Variants in TPO observed in about 807,000 individuals in gnomAD.
TPO encodes the protein thyroid microsomal antigen.
A neutral mutation model predicts 96.9 loss-of-function variants in TPO; 78 were observed. The observed-to-expected ratio is 0.81, with a 90% CI of 0.67 to 0.97. TPO has a LOEUF of 0.97. TPO is among the 50% of genes least tolerant of loss of function. The probability of loss-of-function intolerance (pLI) is 0.00; values close to 1 mark genes in which losing one functional copy is unlikely to be tolerated. For missense variants in TPO, 1,252 were observed against 1,274.8 expected (o/e 0.98, Z 0.27); for synonymous variants, 547 against 538.0 (o/e 1.02, Z -0.23).
chr2:1,539,833 CCAAGG>C (rs71987829), intron 15 of TPO, among the ~76,000 whole-genome samples: 2,041 of 139,340 alleles, frequency 0.015, 47 homozygotes, highest in African/African-American at 0.052. Flanking sequence ...TGAATGACCA[CCAAGG>C]CAAGGGAAGG....
intron 14 of TPO, among the ~76,000 whole-genome samples, chr2:1,510,018 G>C (rs1442333766): frequency 6.6e-6 from 1 of 151,942 alleles, no homozygotes; most frequent in Non-Finnish European, 1.5e-5. Context: ...TCCTCTCTCT[G>C]CACAGCATTT....
intron 1 of TPO, among the ~76,000 whole-genome samples, chr2:1,384,854 T>C (rs1661862990): frequency 6.6e-6 from 1 of 152,216 alleles, no homozygotes; most frequent in African/African-American, 2.4e-5. Flanking sequence ...GGGTTTGTCA[T>C]AAATAGCTGT....
At chr2:1,413,602 C>A in intron 1 of TPO, 57 bp downstream of exon 1, 1 of 902,884 alleles carries the variant, frequency 1.1e-6, no homozygotes, top group Non-Finnish European at 1.3e-6. Context: ...ATCATTGGAA[C>A]TTGTAAAGTG....
intron 10 of TPO, among the ~76,000 whole-genome samples, 163 bp from the exon 11 acceptor site, chr2:1,493,639 G>C (rs1672027212): frequency 6.7e-6 from 1 of 149,700 alleles, no homozygotes; most frequent in Admixed American, 6.6e-5. Context: ...CCGGGCGTCG[G>C]AGCTGGAATA....
At chr2:1,392,898 C>G (rs1051510540) in intron 1 of TPO, among the ~76,000 whole-genome samples, 11 of 151,564 alleles carry the variant, frequency 7.3e-5, no homozygotes, top group African/African-American at 2.4e-4. Context: ...CTTCTTTATT[C>G]TTAAACAGAT....
At chr2:1,506,849 ATAG>A (rs1253095999) in intron 14 of TPO, among the ~76,000 whole-genome samples, 36 of 152,216 alleles carry the variant, frequency 2.4e-4, no homozygotes, top group Non-Finnish European at 2.9e-5. Flanking sequence ...GTTCAGTCTG[ATAG>A]TAGTTTCTTT....
At chr2:1,526,857 C>T (rs1475200735) in intron 15 of TPO, among the ~76,000 whole-genome samples, 1 of 144,064 alleles carries the variant, frequency 6.9e-6, no homozygotes, top group South Asian at 2.3e-4. Context: ...TGTGCAACCT[C>T]CCCAAATCCC....
intron 12 of TPO, 150 bp downstream of exon 12, chr2:1,496,347 G>T: frequency 9.8e-7 from 1 of 1,017,554 alleles, no homozygotes; most frequent in African/African-American, 1.8e-5. Context: ...TCCTGGGGCG[G>T]GGCGGGGCGG....
At chr2:1,421,275 C>T (rs1185264570) in intron 2 of TPO, among the ~76,000 whole-genome samples, 5 of 152,240 alleles carry the variant, frequency 3.3e-5, no homozygotes, top group Non-Finnish European at 7.3e-5. Flanking sequence ...TAACTCTGTG[C>T]ACTTGCCAGG....
chr2:1,527,171 C>T (rs535014973), intron 15 of TPO, among the ~76,000 whole-genome samples: 77 of 137,734 alleles, frequency 5.6e-4, no homozygotes, highest in Non-Finnish European at 1.0e-3. Flanking sequence ...GCAACCTCCC[C>T]TATCCCTCCC....
chr2:1,475,751 C>T (rs972091442), intron 7 of TPO, among the ~76,000 whole-genome samples: 1 of 152,214 alleles, frequency 6.6e-6, no homozygotes, highest in Admixed American at 6.5e-5. Flanking sequence ...CGCGCCCGGC[C>T]GGAAGCGCTT....
intron 15 of TPO, among the ~76,000 whole-genome samples, chr2:1,530,776 A>AT (rs1299067440): frequency 2.8e-5 from 2 of 72,420 alleles, no homozygotes; most frequent in African/African-American, 1.2e-4. Context: ...AAATCCCCCC[A>AT]TGGGGGGCAA....
At chr2:1,532,339 C>CCTCA (rs200923416) in intron 15 of TPO, among the ~76,000 whole-genome samples, 3,395 of 38,396 alleles carry the variant, frequency 0.088, 641 homozygotes, top group African/African-American at 0.12. Flanking sequence ...CCTCTAATCC[C>CCTCA]CTGTGTGCAA....
At chr2:1,526,507 C>T (rs1676538786) in intron 15 of TPO, among the ~76,000 whole-genome samples, 2 of 134,756 alleles carry the variant, frequency 1.5e-5, no homozygotes, top group Admixed American at 1.5e-4. Flanking sequence ...TGTGTGCAAC[C>T]CCCGCAAATC....
intron 7 of TPO, among the ~76,000 whole-genome samples, chr2:1,472,096 C>T (rs1669478633): frequency 6.6e-6 from 1 of 151,596 alleles, no homozygotes; most frequent in Admixed American, 6.6e-5. Context: ...TCCCATGATG[C>T]AAATGCTCAC....
chr2:1,535,762 A>C (rs1242335277), intron 15 of TPO, among the ~76,000 whole-genome samples: 1 of 69,620 alleles, frequency 1.4e-5, no homozygotes, highest in Non-Finnish European at 2.9e-5. Context: ...ACTCTGTGCA[A>C]CCTCCCGAAA....
intron 3 of TPO, 95 bp from the exon 4 acceptor site, chr2:1,433,343 G>A: frequency 1.3e-6 from 2 of 1,491,876 alleles, no homozygotes; most frequent in Non-Finnish European, 1.8e-6. Flanking sequence ...GGACACAGTA[G>A]TTACTCAATA....
intron 1 of TPO, among the ~76,000 whole-genome samples, chr2:1,379,756 T>C (rs540355873): frequency 1.3e-5 from 2 of 152,324 alleles, no homozygotes; most frequent in South Asian, 4.1e-4. Context: ...AATATCATAA[T>C]GTTTCTGTCA....
intron 15 of TPO, among the ~76,000 whole-genome samples, chr2:1,519,615 CTAA>C (rs1675050157): frequency 6.6e-6 from 1 of 152,058 alleles, no homozygotes. Context: ...ACTTTAATAA[CTAA>C]TAATTAAAAC....
Sources: gnomAD v4.1 joint callset for allele counts (sites outside exome capture counted in the v4.1 genomes callset) on GRCh38, gnomAD v4.1.1 for gene constraint, MANE v1.5 for transcripts, NCBI Gene and HGNC (gene_info 2026-07-23, HGNC 2026-07-21) for gene names.